The following EIF3A variants were observed in gnomAD, a reference collection of about 807,000 sequenced individuals.
The protein encoded by EIF3A is EIF3, p180 subunit.
Under a neutral mutation model 186.6 loss-of-function variants are expected in EIF3A, and 21 were observed. The observed-to-expected ratio is 0.11, with a 90% CI of 0.08 to 0.16. EIF3A has a LOEUF of 0.16. EIF3A is among the 10% of genes least tolerant of loss of function. EIF3A has a pLI of 1.00. For synonymous variants in EIF3A, 563 were observed against 584.3 expected (o/e 0.96, Z 0.52); for missense variants, 1,306 against 1,796.3 (o/e 0.73, Z 4.93).
intron 21 of EIF3A, 59 bp downstream of exon 21, chr10:119,037,060 T>TTCCC (rs1848138878): frequency 1.3e-5 from 5 of 392,244 alleles, no homozygotes; most frequent in South Asian, 3.9e-5. Flanking sequence ...ATAACCCAAA[T>TTCCC]CCCCCCCCCC....
Position 119,059,433 on chromosome 10 carries a change from A to G in EIF3A, c.1444-36T>C. On this transcript the variant is annotated intron_variant, in intron 10 of 21. Transcript: ENST00000369144. ...TAAATTATCAATGGTTAAATCCACA[A>G]GTAAGCATGAAGTCAAAAAGTAACA... 5 of 1,460,142 alleles carry G rather than the reference A, an allele frequency of 3.4e-6. 2 individuals carry two copies. In the South Asian group the frequency reaches 6.5e-5, roughly 19 times the overall value. The allele number at this position is 1,460,142 out of a possible 1,614,324, so 90.4% of individuals were successfully genotyped here. A position where few individuals can be genotyped will look rare whatever the true frequency, so the allele number is the denominator to read the frequency against.
Position 119,077,867 on chromosome 10 carries a change from T to G in EIF3A, c.49+2761A>C, listed in dbSNP as rs571057922. Reference sequence around the variant, plus strand: ...CACGCCCGGCCTCCTCTGAATTATTTAATAGTGGCCGGGGGAAGCTTTTGA... The same window carrying G: ...CACGCCCGGCCTCCTCTGAATTATTGAATAGTGGCCGGGGGAAGCTTTTGA... On this transcript the variant is annotated intron_variant, in intron 1 of 21. Coordinates refer to ENST00000369144, the MANE Select transcript of EIF3A (RefSeq NM_003750.4). Among the ~76,000 whole-genome samples, 20 of 152,286 alleles carry G rather than the reference T, an allele frequency of 1.3e-4. 1 individual carries two copies. The East Asian group carries it at 3.7e-3, about 28-fold the overall frequency.
intron 19 of EIF3A, 151 bp from the exon 20 acceptor site, chr10:119,038,590 C>T (rs1848167354): frequency 1.5e-6 from 1 of 668,682 alleles, no homozygotes; most frequent in African/African-American, 1.8e-5. Flanking sequence ...GTGTACATCA[C>T]TGCACAGACA....
intron 6 of EIF3A, among the ~76,000 whole-genome samples, chr10:119,067,567 T>A (rs10749284): frequency 6.6e-6 from 1 of 152,108 alleles, no homozygotes; most frequent in Non-Finnish European, 1.5e-5. Flanking sequence ...ACACTCCATC[T>A]GGAGCAAGGA....
intron 14 of EIF3A, 102 bp from the exon 15 acceptor site, chr10:119,051,423 G>A: frequency 8.6e-7 from 1 of 1,158,174 alleles, no homozygotes; most frequent in South Asian, 1.7e-5. Flanking sequence ...CTGCTCCACT[G>A]CCCCTTCTGT....
At position 119,042,034 on chromosome 10, in the gene EIF3A, A is replaced by G. The variant is rs957351001; in HGVS notation, c.3486T>C (p.Asp1162=). ...GTCTCCAAGGACCAGGTCTTGAGTC[A>G]TCACCCCGTCTGGGAAACCGATCAT... ...ADDDRFPRRG[D]DSRPGPWRPL... Residue 1162 remains aspartate (D), a synonymous_variant, in exon 19 of 22, where the codon GAT becomes GAC. Coordinates refer to ENST00000369144, the MANE Select transcript of EIF3A (RefSeq NM_003750.4). The surrounding 1 kb of genome is among the most constrained non-coding windows in gnomAD (Gnocchi z 7.8). 1.9e-6 allele frequency: 3 copies of G among 1,614,238 alleles called. No individual in the cohort carries two copies. The South Asian group carries it at 3.3e-5, about 18-fold the overall frequency.
At chr10:119,055,127 G>C (rs1244587617) in intron 14 of EIF3A, among the ~76,000 whole-genome samples, 1 of 152,034 alleles carries the variant, frequency 6.6e-6, no homozygotes, top group Non-Finnish European at 1.5e-5. Context: ...AGAATCACTT[G>C]AACCCGGCGG....
At position 119,056,918 on chromosome 10, in the gene EIF3A, A is replaced by C; in HGVS notation, c.2082+18T>G. On this transcript the variant is annotated intron_variant, in intron 13 of 21. Coordinates refer to ENST00000369144, the MANE Select transcript of EIF3A (RefSeq NM_003750.4). ...TCTTAACTTGGTATGTTAAAGGTTT[A>C]CCAACCCTTTCATTTACCTTCTTTT... 1 of 1,584,708 alleles carries C rather than the reference A, an allele frequency of 6.3e-7. No individual in the cohort carries two copies. The highest frequency in any genetic ancestry group is 8.7e-7 in the Non-Finnish European group (1 of 1,153,728).
At position 119,042,312 on chromosome 10, in the gene EIF3A, T is replaced by G. The variant is rs1351306891; in HGVS notation, c.3208A>C (p.Arg1070=). Residue 1070 remains arginine (R), a synonymous_variant, in exon 19 of 22, where the codon AGG becomes CGG. Transcript: ENST00000369144. The surrounding 1 kb of genome is among the most constrained non-coding windows in gnomAD (Gnocchi z 7.8). ...WRNADDDRGP[R]RGLDDDRGPR... Reference sequence around the variant, plus strand: ...CCCCGATCATCATCCAACCCTCGCCTGGGACCCCGGTCATCATCAGCATTA... The same window carrying G: ...CCCCGATCATCATCCAACCCTCGCCGGGGACCCCGGTCATCATCAGCATTA... 1 of 1,613,314 alleles carries G rather than the reference T, an allele frequency of 6.2e-7. No individual in the cohort carries two copies.
At position 119,036,034 on chromosome 10, in the gene EIF3A, G is replaced by A. The variant is rs759924980; in HGVS notation, c.*5C>T. 1.4e-5 allele frequency: 23 copies of A among 1,606,320 alleles called. No individual in the cohort carries two copies. In the East Asian group the frequency reaches 5.1e-4, roughly 36 times the overall value. ...GACACCAGTTTAAATCCATTATCTTGAGACTTAACGTCGTACTGTGGTCCA... is the reference window on the plus strand; with the variant it reads ...GACACCAGTTTAAATCCATTATCTTAAGACTTAACGTCGTACTGTGGTCCA... On this transcript the variant is annotated 3_prime_UTR_variant, in exon 22 of 22. Transcript: ENST00000369144.
At chr10:119,051,453 C>T (rs542278345) in intron 14 of EIF3A, 132 bp from the exon 15 acceptor site, 15 of 879,656 alleles carry the variant, frequency 1.7e-5, no homozygotes, top group Non-Finnish European at 2.5e-5. Flanking sequence ...AAAATGAAAA[C>T]GTTAACTACA....
intron 16 of EIF3A, 61 bp from the exon 17 acceptor site, chr10:119,050,046 T>G: frequency 1.3e-6 from 2 of 1,506,560 alleles, no homozygotes; most frequent in Non-Finnish European, 1.8e-6. Flanking sequence ...CTAGTGCTAG[T>G]TCCACTTTTC....
At chr10:119,056,710 A>G (rs1843789281) in intron 14 of EIF3A, 30 bp downstream of exon 14, 3 of 1,387,350 alleles carry the variant, frequency 2.2e-6, no homozygotes, top group Non-Finnish European at 3.0e-6. Flanking sequence ...ATTACAATCT[A>G]AAAATATTAC....
chr10:119,079,974 G>A (rs1564764099), intron 1 of EIF3A, among the ~76,000 whole-genome samples: 1 of 152,134 alleles, frequency 6.6e-6, no homozygotes, highest in Non-Finnish European at 1.5e-5. Flanking sequence ...TCTAATCAAT[G>A]CCAGGAAAAA....
At chr10:119,052,694 TCTC>T (rs1184639278) in intron 14 of EIF3A, among the ~76,000 whole-genome samples, 1 of 152,090 alleles carries the variant, frequency 6.6e-6, no homozygotes, top group Non-Finnish European at 1.5e-5. Flanking sequence ...TAACTCTACT[TCTC>T]TTGCTGTTTT....
At position 119,037,195 on chromosome 10, in the gene EIF3A, ACGCCGGTCATCCCTCTCACGG is replaced by A; in HGVS notation, c.3822_3842del (p.Arg1275_Arg1281del). ...TTAGATCTCGTCTTTCTCTTAGATC[ACGCCGGTCATCCCTCTCACGG>A]CGACGGTCATCCCTATCCCTATCGT... On this transcript the variant is annotated inframe_deletion, in exon 21 of 22. Transcript: ENST00000369144. 1 of 1,613,470 alleles carries A rather than the reference ACGCCGGTCATCCCTCTCACGG, an allele frequency of 6.2e-7. No individual in the cohort carries two copies. Among genetic ancestry groups the A allele is most frequent in the Non-Finnish European group, 8.5e-7 (1 of 1,179,972 alleles).
rs1844182865 is a variant in EIF3A, at chr10:119,076,859, C to T, written c.50-2922G>A. On this transcript the variant is annotated intron_variant, in intron 1 of 21. Transcript: ENST00000369144. ...GCTGAGACTTTAGAATCACTTGAAC[C>T]CAGGAGGCGGAGGTTGCAGTGAGCC... Among the ~76,000 whole-genome samples, 5 of 148,616 alleles carry T rather than the reference C, an allele frequency of 3.4e-5. No individual in the cohort carries two copies. The South Asian group carries it at 1.1e-3, about 32-fold the overall frequency.
chr10:119,065,339 T>C (rs1843954834), intron 7 of EIF3A, 60 bp downstream of exon 7: 1 of 1,277,650 alleles, frequency 7.8e-7, no homozygotes, highest in Admixed American at 1.9e-5. Context: ...TCATGAGTTA[T>C]TAAACCTGAC....
Position 119,036,156 on chromosome 10 carries a change from GTCTCGGTCTCTT to G in EIF3A, c.4020_4031del (p.Glu1340_Arg1343del), listed in dbSNP as rs748087017. On this transcript the variant is annotated inframe_deletion, in exon 22 of 22. Transcript: ENST00000369144. The stretch of plus-strand genomic sequence containing the variant: ...TCTCTTTTTCACCTTCTCTTTCTCG[GTCTCGGTCTCTT>G]TCTCGGTCTCTTGAAAGAGCTGGGG... The G allele has an allele frequency of 8.7e-5, 140 of 1,612,954 alleles. No individual in the cohort carries two copies. In the African/African-American group the frequency reaches 1.1e-3, roughly 12 times the overall value.
Sources: allele counts gnomAD v4.1 joint callset (sites outside exome capture counted in the v4.1 genomes callset), GRCh38; gene constraint gnomAD v4.1.1; non-coding constraint Gnocchi (gnomAD v3.1); transcripts MANE v1.5; gene names NCBI Gene and HGNC (gene_info 2026-07-23, HGNC 2026-07-21).